The following CA2 variants were observed in gnomAD, a reference collection of about 807,000 sequenced individuals.
CA2 encodes carbonate dehydratase II.
A neutral mutation model predicts 27.8 loss-of-function variants in CA2; 23 were observed. The ratio of observed to expected loss-of-function variants is 0.83; its 90% CI spans 0.59 to 1.17. The LOEUF (loss-of-function observed/expected upper bound fraction) is 1.17. CA2 is among the 50% of genes most tolerant of loss of function. CA2 has a pLI of 0.00. For synonymous variants in CA2, 99 were observed against 114.9 expected, an observed-to-expected ratio of 0.86 and a Z score of 0.88; for missense variants, 300 against 314.7, an observed-to-expected ratio of 0.95 and a Z score of 0.35.
At chr8:85,466,681 C>CAT (rs1435641829) in intron 2 of CA2, among the ~76,000 whole-genome samples, 2 of 24,742 alleles carry the variant, frequency 8.1e-5, no homozygotes, top group African/African-American at 2.1e-4. Flanking sequence ...TACATACATA[C>CAT]ACACACACAC....
chr8:85,477,280 GT>G lies in CA2; in HGVS notation c.663+9del. The G allele has an allele frequency of 6.2e-7, 1 of 1,614,028 alleles. No individual in the cohort carries two copies. Among genetic ancestry groups the G allele is most frequent in the Non-Finnish European group, 8.5e-7 (1 of 1,179,946 alleles). On this transcript the variant is annotated splice_donor_region_variant and intron_variant, in intron 6 of 6. Transcript: ENST00000285379. The stretch of plus-strand genomic sequence containing the variant: ...ATCAGCGTCAGCAGCGAGCAGGTTT[GT>G]TTTGTAATGACAGGTCTGTTTACGG...
rs1411691944 is a variant in CA2 at position 85,475,732 on chromosome 8, A to G, written c.445-66A>G. ...GATGTTTTCTAATAGAGCTACCCAA[A>G]TAAAAATAAAAACTGGTACAGTACC... On this transcript the variant is annotated intron_variant, in intron 4 of 6. Transcript: ENST00000285379. 4.6e-5 allele frequency: 66 copies of G among 1,447,604 alleles called. 1 individual carries two copies. The South Asian group carries it at 5.9e-4, about 13-fold the overall frequency. 89.7% of individuals were successfully genotyped at this position (1,447,604 alleles called of 1,614,324 possible).
intron 2 of CA2, among the ~76,000 whole-genome samples, chr8:85,471,262 T>C (rs1252907229): frequency 3.3e-5 from 5 of 152,188 alleles, no homozygotes; most frequent in Non-Finnish European, 5.9e-5. Flanking sequence ...TAACATTTTC[T>C]AGTTACAGTG....
rs529858794 is a variant in CA2, at chr8:85,481,030, A to G, written c.*241A>G. 1.8e-5 allele frequency: 9 copies of G among 489,298 alleles called. No homozygotes were observed. The East Asian group carries it at 3.1e-4, about 17-fold the overall frequency. The allele number at this position is 489,298 out of a possible 1,614,324, so 30.3% of individuals were successfully genotyped here. A position where few individuals can be genotyped will look rare whatever the true frequency, so the allele number is the denominator to read the frequency against. On this transcript the variant is annotated 3_prime_UTR_variant, in exon 7 of 7. Transcript: ENST00000285379. Reference sequence around the variant, plus strand: ...TAGTAGTTTTTCTGTAACACAGAATATAGGATAAGAAATAAGAATAAAGTA... The same window carrying G: ...TAGTAGTTTTTCTGTAACACAGAATGTAGGATAAGAAATAAGAATAAAGTA...
chr8:85,465,237 C>T, intron 1 of CA2, 35 bp from the exon 2 acceptor site: 1 of 1,565,966 alleles, frequency 6.4e-7, no homozygotes, highest in Non-Finnish European at 8.8e-7. Flanking sequence ...TACCTTTCCC[C>T]ACAATGGGGG....
Position 85,464,028 on chromosome 8 carries a change from C to T in CA2, c.-54C>T. ...GGACACACAGTGCAGGCGCCCAAGC[C>T]GCCGCCGCCAGATCGGTGCCGATTC... On this transcript the variant is annotated 5_prime_UTR_variant, in exon 1 of 7. Transcript: ENST00000285379. 6.6e-7 allele frequency: 1 copy of T among 1,523,732 alleles called. No homozygotes were observed. The highest frequency in any genetic ancestry group is 2.0e-5 in the Admixed American group (1 of 50,870). 94.4% of individuals were successfully genotyped at this position (1,523,732 alleles called of 1,614,324 possible).
At chr8:85,478,479 A>G (rs566736843) in intron 6 of CA2, among the ~76,000 whole-genome samples, 1 of 151,752 alleles carries the variant, frequency 6.6e-6, no homozygotes, top group Non-Finnish European at 1.5e-5. Context: ...TAAAACATGA[A>G]TTTTTTTTTC....
chr8:85,464,401 C>T, intron 1 of CA2: 1 of 412,116 alleles, frequency 2.4e-6, no homozygotes, highest in Admixed American at 4.7e-5. Flanking sequence ...GCCCTGGCCG[C>T]GGGACCCGAG....
chr8:85,475,371 TAAAAAA>T (rs3070396), intron 4 of CA2, among the ~76,000 whole-genome samples: 1 of 41,360 alleles, frequency 2.4e-5, no homozygotes, highest in African/African-American at 1.1e-4. Flanking sequence ...ACTCTGACTC[TAAAAAA>T]AAAAAAAAAA....
chr8:85,474,380 A>G lies in CA2; in HGVS notation c.408A>G (p.Gln136=). 6.2e-7 allele frequency: 1 copy of G among 1,614,096 alleles called. No homozygotes were observed. ...KYGDFGKAVQ[Q]PDGLAVLGIF... ...GGGATTTTGGGAAAGCTGTGCAGCA[A>G]CCTGATGGACTGGCCGTTCTAGGTA... Residue 136 remains glutamine (Q), a synonymous_variant, in exon 4 of 7, where the codon CAA becomes CAG. Transcript: ENST00000285379.
At chr8:85,469,251 C>G (rs1334819236) in intron 2 of CA2, among the ~76,000 whole-genome samples, 1 of 152,090 alleles carries the variant, frequency 6.6e-6, no homozygotes. Context: ...AAATGCAGTT[C>G]ATTTACCTGT....
chr8:85,464,340 G>A, intron 1 of CA2: 1 of 455,786 alleles, frequency 2.2e-6, no homozygotes, highest in South Asian at 4.2e-5. Context: ...CACTGTGGAG[G>A]AATCCCCGCG....
Position 85,464,227 on chromosome 8 carries a change from C to G in CA2, c.34+112C>G, listed in dbSNP as rs1053089088. On this transcript the variant is annotated intron_variant, in intron 1 of 6. Coordinates refer to ENST00000285379, the MANE Select transcript of CA2 (RefSeq NM_000067.3). ...CCGCAGCGCCCGCACATGCTGTTTA[C>G]CGCGGCCGCGGGGAGTGCTGGAGGC... 7.8e-6 allele frequency: 8 copies of G among 1,023,848 alleles called. No individual in the cohort carries two copies. The African/African-American group carries it at 1.2e-4, about 15-fold the overall frequency. The allele number at this position is 1,023,848 out of a possible 1,614,324, so 63.4% of individuals were successfully genotyped here.
chr8:85,475,144 C>A (rs986238159), intron 4 of CA2, among the ~76,000 whole-genome samples: 8 of 151,814 alleles, frequency 5.3e-5, no homozygotes, highest in African/African-American at 1.9e-4. Context: ...TCCATCTCTA[C>A]AAAATTTTTT....
At chr8:85,466,679 T>TACACACACACAC (rs33928115) in intron 2 of CA2, among the ~76,000 whole-genome samples, 4 of 149,056 alleles carry the variant, frequency 2.7e-5, no homozygotes, top group African/African-American at 9.9e-5. Flanking sequence ...CATACATACA[T>TACACACACACAC]ACACACACAC....
chr8:85,476,456 C>T (rs1414684162), intron 5 of CA2, among the ~76,000 whole-genome samples: 1 of 152,210 alleles, frequency 6.6e-6, no homozygotes, highest in East Asian at 1.9e-4. Flanking sequence ...GAAGCAGCAT[C>T]TATCCTCTGA....
chr8:85,476,471 C>A (rs1198233973), intron 5 of CA2, among the ~76,000 whole-genome samples: 2 of 152,218 alleles, frequency 1.3e-5, no homozygotes, highest in Admixed American at 1.3e-4. Flanking sequence ...CTCTGAAATG[C>A]TCACTCACTG....
intron 4 of CA2, among the ~76,000 whole-genome samples, chr8:85,475,371 T>TA (rs3070396): frequency 0.27 from 11,283 of 41,320 alleles, 3,656 homozygotes; most frequent in East Asian, 0.54. Flanking sequence ...ACTCTGACTC[T>TA]AAAAAAAAAA....
Position 85,464,368 on chromosome 8 carries a change from G to A in CA2, c.34+253G>A, listed in dbSNP as rs1044764467. On this transcript the variant is annotated intron_variant, in intron 1 of 6. Transcript: ENST00000285379. ...TCCCCGCGTCCGCCGGAGGCGCGTA[G>A]GGCCCGAGGGAGGGGAGGCGCAGCC... is the stretch of plus-strand genomic sequence containing the variant. The A allele has an allele frequency of 2.1e-4, 94 of 438,588 alleles. No homozygotes were observed. The Middle Eastern group carries it at 4.1e-3, about 19-fold the overall frequency. The allele number at this position is 438,588 out of a possible 1,614,324, so 27.2% of individuals were successfully genotyped here.
Sources: allele counts gnomAD v4.1 joint callset (sites outside exome capture counted in the v4.1 genomes callset), GRCh38; gene constraint gnomAD v4.1.1; transcripts MANE v1.5; gene names NCBI Gene and HGNC (gene_info 2026-07-23, HGNC 2026-07-21).